Variants in CUX2 observed in about 807,000 individuals in gnomAD.
The protein encoded by CUX2 is cut like homeobox 2, also known as homeobox protein cut-like 2.
A neutral mutation model predicts 144.8 loss-of-function variants in CUX2; 40 were observed. That is an observed-to-expected ratio of 0.28 (90% confidence interval 0.21 to 0.36). CUX2 has a LOEUF of 0.36. Ranked by LOEUF, CUX2 falls within the 10% of genes least tolerant of loss-of-function variation. The pLI is 1.00. For missense variants in CUX2, 1,615 were observed against 1,994.0 expected (o/e 0.81, Z 3.62); for synonymous variants, 827 against 875.6 (o/e 0.94, Z 0.98).
chr12:111,053,346 T>C (rs1161135461), intron 1 of CUX2, among the ~76,000 whole-genome samples: 1 of 152,160 alleles, frequency 6.6e-6, no homozygotes, highest in East Asian at 1.9e-4. Flanking sequence ...AGGGGGCCCT[T>C]TCCCAGTGTC....
intron 4 of CUX2, among the ~76,000 whole-genome samples, chr12:111,267,860 AGCCCAG>A (rs571165319): frequency 5.8e-4 from 89 of 152,264 alleles, no homozygotes; most frequent in African/African-American, 2.1e-3. Flanking sequence ...TGCTTAACAA[AGCCCAG>A]GCTGGAGTGC....
chr12:111,318,003 G>C (rs1444636308), intron 16 of CUX2, among the ~76,000 whole-genome samples: 3 of 135,928 alleles, frequency 2.2e-5, no homozygotes, highest in African/African-American at 3.5e-5. Context: ...CAGTCAAAAA[G>C]AAAAAAGAAA....
At chr12:111,338,783 A>T (rs538393592) in intron 20 of CUX2, among the ~76,000 whole-genome samples, 1 of 151,854 alleles carries the variant, frequency 6.6e-6, no homozygotes, top group Non-Finnish European at 1.5e-5. Context: ...TTGCTTGAGG[A>T]TCACTTGGGA....
In CUX2 at chr12:111,339,255, G is replaced by A. The variant is rs572904935; in HGVS notation, c.3385+781G>A. Among the ~76,000 whole-genome samples the A allele has an allele frequency of 1.3e-3, 196 of 151,928 alleles. 2 individuals carry two copies. The highest frequency in any genetic ancestry group is 4.5e-3 in the African/African-American group (187 of 41,470). On this transcript the variant is annotated intron_variant, in intron 20 of 21. Coordinates refer to ENST00000261726, the MANE Select transcript of CUX2 (RefSeq NM_015267.4). ...AAAAAAAAAAAGAAAGAAACAAAAG[G>A]AAACCTAACACCCCATCTCTTGTTG...
chr12:111,198,850 T>G (rs1158525317), intron 1 of CUX2, among the ~76,000 whole-genome samples: 1 of 151,684 alleles, frequency 6.6e-6, no homozygotes, highest in African/African-American at 2.4e-5. Flanking sequence ...GTAGCTGGAG[T>G]GCATAGAGTT....
intron 1 of CUX2, among the ~76,000 whole-genome samples, chr12:111,074,275 C>G (rs1871400207): frequency 6.6e-6 from 1 of 151,996 alleles, no homozygotes; most frequent in Admixed American, 6.5e-5. Flanking sequence ...AGCCCAGCAT[C>G]TCGCCCCACC....
chr12:111,350,403 C>T lies in CUX2; in HGVS notation c.*2078C>T, dbSNP rs962485186. ...TACTTAAAGCTAGCGGACCCGTGAA[C>T]AACTTTGTCAGGTTCACGTCCTATA... is the stretch of plus-strand genomic sequence containing the variant. On this transcript the variant is annotated 3_prime_UTR_variant, in exon 22 of 22. Transcript: ENST00000261726. 1.3e-5 allele frequency: 2 copies of T among 152,440 alleles called. No individual in the cohort carries two copies. The highest frequency in any genetic ancestry group is 4.8e-5 in the African/African-American group (2 of 41,424). The allele number at this position is 152,440 out of a possible 1,614,324, so 9.4% of individuals were successfully genotyped here.
intron 18 of CUX2, among the ~76,000 whole-genome samples, chr12:111,329,904 A>G (rs1419336637): frequency 2.6e-5 from 4 of 152,126 alleles, no homozygotes; most frequent in Non-Finnish European, 4.4e-5. Flanking sequence ...TCCAAAGTGC[A>G]GGGATTACAG....
At chr12:111,086,619 G>A (rs1463751084) in intron 1 of CUX2, among the ~76,000 whole-genome samples, 1 of 152,190 alleles carries the variant, frequency 6.6e-6, no homozygotes, top group Non-Finnish European at 1.5e-5. Context: ...AATTGACTCT[G>A]TCTCCGAGGG....
intron 1 of CUX2, among the ~76,000 whole-genome samples, chr12:111,094,535 G>A (rs1389780208): frequency 1.3e-5 from 2 of 152,136 alleles, no homozygotes; most frequent in African/African-American, 4.8e-5. Context: ...GTCTTGCTCG[G>A]TTGCCCAGGC....
rs113915559 is a variant in CUX2 at position 111,336,404 on chromosome 12, G to A, written c.3196+1694G>A. 4.6e-3 allele frequency among the ~76,000 whole-genome samples: 695 copies of A among 149,506 alleles called. 4 individuals are homozygous for A. The highest frequency in any genetic ancestry group is 0.016 in the African/African-American group (649 of 39,986). Reference sequence around the variant, plus strand: ...AAAGTAAATAAATCCCTCCCCATTGGCCTCTCAGACACTTCAGTGTTGTGT... The same window carrying A: ...AAAGTAAATAAATCCCTCCCCATTGACCTCTCAGACACTTCAGTGTTGTGT... On this transcript the variant is annotated intron_variant, in intron 19 of 21. Coordinates refer to ENST00000261726, the MANE Select transcript of CUX2 (RefSeq NM_015267.4).
At chr12:111,210,590 T>C (rs1881163259) in intron 1 of CUX2, among the ~76,000 whole-genome samples, 1 of 152,078 alleles carries the variant, frequency 6.6e-6, no homozygotes, top group South Asian at 2.1e-4. Context: ...GTCTAGGAGT[T>C]TGAGACCAGC....
intron 1 of CUX2, among the ~76,000 whole-genome samples, chr12:111,110,834 G>A: frequency 6.6e-6 from 1 of 152,228 alleles, no homozygotes; most frequent in Non-Finnish European, 1.5e-5. Flanking sequence ...AGGCTGGGGA[G>A]GCGTGAAGGG....
intron 3 of CUX2, among the ~76,000 whole-genome samples, chr12:111,228,891 G>A (rs1882318088): frequency 1.3e-5 from 2 of 152,010 alleles, no homozygotes; most frequent in Admixed American, 6.6e-5. Context: ...GGGACTCATC[G>A]TCATCTGTAA....
chr12:111,263,971 A>AG lies in CUX2; in HGVS notation c.301+135dup. On this transcript the variant is annotated intron_variant, in intron 4 of 21. Transcript: ENST00000261726. The surrounding 1 kb of genome is among the most constrained non-coding windows in gnomAD (Gnocchi z 4.0). ...CTGGGTGAGGCCAGGCACTCTGTAT[A>AG]GGGCAGGGGGAGCTGTGGCCAGTCT... is the stretch of plus-strand genomic sequence containing the variant. The AG allele has an allele frequency of 2.5e-6, 2 of 793,002 alleles. No individual in the cohort carries two copies. Among genetic ancestry groups the AG allele is most frequent in the South Asian group, 3.1e-5 (2 of 63,542 alleles). 49.1% of individuals were successfully genotyped at this position (793,002 alleles called of 1,614,324 possible).
In CUX2 at chr12:111,263,662, C is replaced by A; in HGVS notation, c.223-99C>A. 1.1e-6 allele frequency: 1 copy of A among 936,254 alleles called. No homozygotes were observed. Among genetic ancestry groups the A allele is most frequent in the Non-Finnish European group, 1.7e-6 (1 of 584,410 alleles). The allele number at this position is 936,254 out of a possible 1,614,324, so 58.0% of individuals were successfully genotyped here. On this transcript the variant is annotated intron_variant, in intron 3 of 21. Transcript: ENST00000261726. The surrounding 1 kb of genome is among the most constrained non-coding windows in gnomAD (Gnocchi z 4.0). ...AAACAAAACAAAACAAAACAAAAAA[C>A]CTGCAGATGTTTTCTTGTGGAAAAA...
chr12:111,082,775 G>A (rs1333103406), intron 1 of CUX2, among the ~76,000 whole-genome samples: 1 of 152,204 alleles, frequency 6.6e-6, no homozygotes, highest in Non-Finnish European at 1.5e-5. Context: ...GGGAAGGCAT[G>A]GCCACACCCT....
chr12:111,126,018 G>A (rs1352138440), intron 1 of CUX2, among the ~76,000 whole-genome samples: 1 of 149,618 alleles, frequency 6.7e-6, no homozygotes, highest in Non-Finnish European at 1.5e-5. Flanking sequence ...GATGTATTAC[G>A]TTTGTTTGTA....
chr12:111,350,425 T>C lies in CUX2; in HGVS notation c.*2100T>C, dbSNP rs1028317610. 2.6e-5 allele frequency: 4 copies of C among 152,458 alleles called. No homozygotes were observed. Among genetic ancestry groups the C allele is most frequent in the African/African-American group, 9.7e-5 (4 of 41,450 alleles). 9.4% of individuals were successfully genotyped at this position (152,458 alleles called of 1,614,324 possible). On this transcript the variant is annotated 3_prime_UTR_variant, in exon 22 of 22. Transcript: ENST00000261726. ...GAACAACTTTGTCAGGTTCACGTCC[T>C]ATAACGGTTAAAAAACACACACACA...
Sources: allele counts gnomAD v4.1 joint callset (sites outside exome capture counted in the v4.1 genomes callset), GRCh38; gene constraint gnomAD v4.1.1; non-coding constraint Gnocchi (gnomAD v3.1); transcripts MANE v1.5; gene names NCBI Gene and HGNC (gene_info 2026-07-23, HGNC 2026-07-21).